Variants in STAU1 observed in about 807,000 individuals in gnomAD.
STAU1 encodes the protein double-stranded RNA-binding protein Staufen homolog 1.
In STAU1, 13 loss-of-function variants were observed where a neutral mutation model predicts 62.9. That is an observed-to-expected ratio of 0.21 (90% CI 0.13 to 0.33). STAU1 has a LOEUF of 0.33. Among genes scored for constraint, STAU1 ranks in the 10% least tolerant of loss-of-function variants. STAU1 has a pLI of 1.00. For synonymous variants in STAU1, 269 were observed against 265.1 expected (o/e 1.01, Z -0.14); for missense variants, 571 against 712.1 (o/e 0.80, Z 2.25).
chr20:49,171,486 A>G (rs1036695965), intron 2 of STAU1, among the ~76,000 whole-genome samples: 4 of 152,056 alleles, frequency 2.6e-5, no homozygotes, highest in African/African-American at 9.7e-5. Context: ...TTTTTAGTAG[A>G]GACGGGGTTT....
At chr20:49,142,534 A>G (rs953935379) in intron 5 of STAU1, among the ~76,000 whole-genome samples, 7 of 152,208 alleles carry the variant, frequency 4.6e-5, no homozygotes, top group Non-Finnish European at 1.0e-4. Flanking sequence ...GTTCTCAACC[A>G]CAGCAGCACT....
chr20:49,175,029 AC>A (rs1217915787), intron 1 of STAU1, among the ~76,000 whole-genome samples: 1 of 151,392 alleles, frequency 6.6e-6, no homozygotes, highest in African/African-American at 2.4e-5. Context: ...GTGATGGCAC[AC>A]CTGTAGTCCC....
intron 9 of STAU1, 70 bp from the exon 10 acceptor site, chr20:49,118,478 G>C: frequency 1.6e-6 from 2 of 1,217,582 alleles, no homozygotes; most frequent in Non-Finnish European, 2.3e-6. Flanking sequence ...AGCTCCTGCT[G>C]TCTAAATCTA....
intron 9 of STAU1, among the ~76,000 whole-genome samples, chr20:49,118,730 G>A (rs1158468351): frequency 6.6e-6 from 1 of 152,232 alleles, no homozygotes; most frequent in African/African-American, 2.4e-5. Flanking sequence ...ATGCTAGACG[G>A]TAGAGCCCAC....
At chr20:49,185,493 G>C (rs910166161) in intron 1 of STAU1, among the ~76,000 whole-genome samples, 7 of 152,140 alleles carry the variant, frequency 4.6e-5, no homozygotes, top group African/African-American at 1.7e-4. Flanking sequence ...AACAGAGAAG[G>C]GAAGCCCAAC....
intron 5 of STAU1, among the ~76,000 whole-genome samples, chr20:49,141,836 G>A (rs1008636909): frequency 6.6e-6 from 1 of 152,188 alleles, no homozygotes; most frequent in Non-Finnish European, 1.5e-5. Flanking sequence ...CCTAAAGTGG[G>A]ACTGTATCTT....
chr20:49,114,786 T>C lies in STAU1; in HGVS notation c.*92A>G, dbSNP rs1191137546. ...TTACCCACCGTGTCTCTCGGCCCAC[T>C]GGAGGTATCAGAAATTCCAAATTTT... On this transcript the variant is annotated 3_prime_UTR_variant, in exon 14 of 14. Coordinates refer to ENST00000371856, the MANE Select transcript of STAU1 (RefSeq NM_017453.4). 1 of 1,234,678 alleles carries C rather than the reference T, an allele frequency of 8.1e-7. No individual in the cohort carries two copies. Among genetic ancestry groups the C allele is most frequent in the Non-Finnish European group, 1.2e-6 (1 of 844,656 alleles). 76.5% of individuals were successfully genotyped at this position (1,234,678 alleles called of 1,614,324 possible). A position where few individuals can be genotyped will look rare whatever the true frequency, so the allele number is the denominator to read the frequency against.
intron 2 of STAU1, among the ~76,000 whole-genome samples, chr20:49,169,965 ATCT>A (rs1390324110): frequency 1.3e-5 from 2 of 152,230 alleles, no homozygotes; most frequent in Admixed American, 6.5e-5. Context: ...TAACACAAAA[ATCT>A]TCTCATAAAA....
chr20:49,188,354 G>C (rs1326092297), upstream of STAU1: 2 of 152,176 alleles, frequency 1.3e-5, no homozygotes, highest in African/African-American at 2.4e-5. Flanking sequence ...GGCGCCCGCA[G>C]CCCGGCAGGA....
chr20:49,205,604 T>A, the STAU1 span, among the ~76,000 whole-genome samples: 1 of 150,954 alleles, frequency 6.6e-6, no homozygotes, highest in African/African-American at 2.4e-5. Flanking sequence ...GACCTCGTGA[T>A]CCACCCACCT....
At chr20:49,132,933 T>C (rs1398274438) in intron 6 of STAU1, among the ~76,000 whole-genome samples, 2 of 152,168 alleles carry the variant, frequency 1.3e-5, no homozygotes, top group Non-Finnish European at 2.9e-5. Context: ...CCTAAACATC[T>C]AATACATGCC....
intron 3 of STAU1, among the ~76,000 whole-genome samples, chr20:49,158,141 G>A (rs1035396710): frequency 2.0e-5 from 3 of 151,848 alleles, no homozygotes; most frequent in African/African-American, 4.8e-5. Context: ...AATTAGCCAC[G>A]TGTGGTAGTA....
chr20:49,134,007 G>T (rs1269992217), intron 6 of STAU1, among the ~76,000 whole-genome samples: 5 of 152,162 alleles, frequency 3.3e-5, no homozygotes, highest in African/African-American at 1.2e-4. Flanking sequence ...ATACTTCAAA[G>T]ATATTTTACA....
intron 6 of STAU1, among the ~76,000 whole-genome samples, chr20:49,134,035 T>C (rs372815453): frequency 7.9e-5 from 12 of 152,348 alleles, no homozygotes; most frequent in African/African-American, 2.4e-4. Flanking sequence ...AAGCTTCAGA[T>C]AGGCTTTTTA....
At chr20:49,195,898 C>CAAAAAAAAAAAAAAAA in the STAU1 span, among the ~76,000 whole-genome samples, 76 of 33,792 alleles carry the variant, frequency 2.2e-3, 1 homozygote, top group Admixed American at 4.4e-3. Flanking sequence ...AACTTCCTCT[C>CAAAAAAAAAAAAAAAA]AAAAAAAAAA....
intron 6 of STAU1, among the ~76,000 whole-genome samples, chr20:49,125,913 G>A (rs1310472947): frequency 2.0e-5 from 3 of 151,942 alleles, no homozygotes; most frequent in Non-Finnish European, 2.9e-5. Flanking sequence ...GGGATGAGAC[G>A]GGAATGATAG....
chr20:49,141,941 A>C (rs1015151070), intron 5 of STAU1, among the ~76,000 whole-genome samples: 2 of 151,860 alleles, frequency 1.3e-5, no homozygotes, highest in Non-Finnish European at 2.9e-5. Flanking sequence ...TATAAATCCA[A>C]ACTTATAAGT....
chr20:49,139,720 C>A (rs1360592872), intron 5 of STAU1, among the ~76,000 whole-genome samples: 1 of 150,136 alleles, frequency 6.7e-6, no homozygotes, highest in Non-Finnish European at 1.5e-5. Flanking sequence ...GAGCGAAACT[C>A]TGTTTCAAAA....
At chr20:49,137,348 C>T (rs967998177) in intron 5 of STAU1, among the ~76,000 whole-genome samples, 1 of 152,086 alleles carries the variant, frequency 6.6e-6, no homozygotes, top group Non-Finnish European at 1.5e-5. Context: ...GTCGTCCAAT[C>T]AGGGATGAGA....
Sources: gnomAD v4.1 joint callset for allele counts (sites outside exome capture counted in the v4.1 genomes callset) on GRCh38, gnomAD v4.1.1 for gene constraint, MANE v1.5 for transcripts, NCBI Gene and HGNC (gene_info 2026-07-23, HGNC 2026-07-21) for gene names.